L3MBTL4: variants seen among roughly 807,000 people sequenced by gnomAD.
L3MBTL4 encodes lethal(3)malignant brain tumor-like protein 4.
L3MBTL4 carries 70 observed loss-of-function variants against 84.5 expected under a neutral mutation model. The ratio of observed to expected loss-of-function variants is 0.83; its 90% confidence interval spans 0.68 to 1.01. The LOEUF (loss-of-function observed/expected upper bound fraction) is 1.01. Among genes scored for constraint, L3MBTL4 ranks in the 50% least tolerant of loss-of-function variants. L3MBTL4 has a pLI of 0.00. For missense variants in L3MBTL4, 715 were observed against 754.8 expected (o/e 0.95, Z 0.62); for synonymous variants, 274 against 259.8 (o/e 1.05, Z -0.52).
chr18:6,110,632 T>A (rs1318935578), intron 14 of L3MBTL4, among the ~76,000 whole-genome samples: 1 of 151,028 alleles, frequency 6.6e-6, no homozygotes, highest in Non-Finnish European at 1.5e-5. Flanking sequence ...TACATGTGGG[T>A]GCACATGTGT....
intron 1 of L3MBTL4, among the ~76,000 whole-genome samples, chr18:6,315,983 T>C (rs111432533): frequency 0.032 from 4,774 of 147,026 alleles, 185 homozygotes; most frequent in East Asian, 0.082. Context: ...GTCCAAAGGG[T>C]ATCAACAGAG....
chr18:6,175,272 A>C (rs532959419), intron 12 of L3MBTL4, among the ~76,000 whole-genome samples: 68 of 152,326 alleles, frequency 4.5e-4, no homozygotes, highest in African/African-American at 1.5e-3. Flanking sequence ...AGATAATAAA[A>C]TGACATCTTT....
intron 13 of L3MBTL4, among the ~76,000 whole-genome samples, chr18:6,163,977 C>T (rs2043499369): frequency 1.3e-5 from 2 of 152,188 alleles, no homozygotes; most frequent in Non-Finnish European, 2.9e-5. Context: ...GGGTCACTCC[C>T]ACACTAATAC....
intron 3 of L3MBTL4, among the ~76,000 whole-genome samples, chr18:6,302,636 C>A (rs1426847258): frequency 6.6e-6 from 1 of 152,166 alleles, no homozygotes; most frequent in Non-Finnish European, 1.5e-5. Context: ...AAGTGGGTAT[C>A]CAGATATGTG....
chr18:5,984,589 TA>T (rs1417189070), intron 16 of L3MBTL4, among the ~76,000 whole-genome samples: 1 of 152,242 alleles, frequency 6.6e-6, no homozygotes, highest in Non-Finnish European at 1.5e-5. Flanking sequence ...GGAAGCTTTT[TA>T]AAATATTCCA....
intron 12 of L3MBTL4, among the ~76,000 whole-genome samples, chr18:6,185,110 G>A (rs796211420): frequency 1.3e-5 from 2 of 152,296 alleles, no homozygotes; most frequent in African/African-American, 4.8e-5. Context: ...TAAATTCCAA[G>A]TGCTTACAGG....
At chr18:5,962,161 A>G (rs543549264) in intron 17 of L3MBTL4, among the ~76,000 whole-genome samples, 1 of 152,262 alleles carries the variant, frequency 6.6e-6, no homozygotes, top group South Asian at 2.1e-4. Context: ...CATGTGTTCA[A>G]ACATGCTAAC....
chr18:6,021,406 G>C (rs1453617379), intron 16 of L3MBTL4, among the ~76,000 whole-genome samples: 1 of 152,164 alleles, frequency 6.6e-6, no homozygotes, highest in African/African-American at 2.4e-5. Flanking sequence ...CATAAAGCTT[G>C]GTGAAGAAAT....
chr18:6,031,410 T>C (rs1279436970), intron 16 of L3MBTL4: 2 of 985,366 alleles, frequency 2.0e-6, no homozygotes, highest in African/African-American at 3.5e-5. Context: ...TGTGGCCGTC[T>C]AACTTCTGAA....
At chr18:6,387,440 G>A (rs938446635) in intron 1 of L3MBTL4, among the ~76,000 whole-genome samples, 6 of 152,116 alleles carry the variant, frequency 3.9e-5, no homozygotes, top group Non-Finnish European at 7.4e-5. Context: ...AATCTAGTAT[G>A]AGTGAAAGGG....
intron 1 of L3MBTL4, among the ~76,000 whole-genome samples, chr18:6,327,356 T>C (rs2051779602): frequency 1.3e-5 from 2 of 152,130 alleles, no homozygotes; most frequent in Admixed American, 6.6e-5. Context: ...TATATGATAA[T>C]ACCCAAACAC....
chr18:6,254,219 C>T (rs372218089), intron 5 of L3MBTL4, among the ~76,000 whole-genome samples: 18 of 152,142 alleles, frequency 1.2e-4, no homozygotes, highest in Non-Finnish European at 2.4e-4. Context: ...AGGTCTAAGA[C>T]CCAAAAACAG....
intron 16 of L3MBTL4, 77 bp downstream of exon 16, chr18:6,080,804 A>G: frequency 1.8e-6 from 2 of 1,102,988 alleles, no homozygotes; most frequent in East Asian, 2.5e-5. Context: ...GAATGATAAA[A>G]CCAAACAGTC....
rs76615827 is a variant in L3MBTL4 at position 6,305,961 on chromosome 18, C to T, written c.73-4004G>A. Among the ~76,000 whole-genome samples, 629 of 152,274 alleles carry T rather than the reference C, an allele frequency of 4.1e-3. 7 individuals are homozygous for T. Among genetic ancestry groups the T allele is most frequent in the African/African-American group, 0.014 (583 of 41,556 alleles). ...CACCTTGGAACTGCCAGATAATACC[C>T]CTTTGCTCTCCTTTGCTGTCAGACC... On this transcript the variant is annotated intron_variant, in intron 3 of 18. Transcript: ENST00000317931.
chr18:6,157,355 T>C (rs948471598), intron 13 of L3MBTL4, among the ~76,000 whole-genome samples: 3 of 152,236 alleles, frequency 2.0e-5, no homozygotes, highest in South Asian at 2.1e-4. Flanking sequence ...TCCATCATCA[T>C]ATTAATTGCT....
chr18:6,201,260 TG>T (rs1312398000), intron 12 of L3MBTL4, among the ~76,000 whole-genome samples: 1 of 152,212 alleles, frequency 6.6e-6, no homozygotes, highest in Non-Finnish European at 1.5e-5. Flanking sequence ...ATTCTCCCAC[TG>T]CAACAAGTAG....
chr18:6,403,966 G>T (rs1345028356), intron 1 of L3MBTL4, among the ~76,000 whole-genome samples: 1 of 152,210 alleles, frequency 6.6e-6, no homozygotes, highest in Non-Finnish European at 1.5e-5. Context: ...TGTGGCTGGA[G>T]GCCATTATTC....
chr18:6,044,488 C>T (rs1055881380), intron 16 of L3MBTL4, among the ~76,000 whole-genome samples: 3 of 152,126 alleles, frequency 2.0e-5, no homozygotes, highest in Non-Finnish European at 4.4e-5. Flanking sequence ...GCCTCTGCTG[C>T]CAAACAGGAC....
intron 17 of L3MBTL4, among the ~76,000 whole-genome samples, chr18:5,966,447 C>T (rs1249783654): frequency 2.6e-5 from 4 of 152,194 alleles, no homozygotes; most frequent in Non-Finnish European, 4.4e-5. Context: ...CCCTGACACC[C>T]GGCTTCCAGG....
Sources: gnomAD v4.1 joint callset for allele counts (sites outside exome capture counted in the v4.1 genomes callset) on GRCh38, gnomAD v4.1.1 for gene constraint, MANE v1.5 for transcripts, NCBI Gene and HGNC (gene_info 2026-07-23, HGNC 2026-07-21) for gene names.